Variants in CREB5 observed in about 807,000 individuals in gnomAD.
The protein encoded by CREB5 is cAMP responsive element binding protein 5.
A neutral mutation model predicts 57.1 loss-of-function variants in CREB5; 19 were observed. The observed-to-expected ratio is 0.33, with a 90% CI of 0.23 to 0.49. The LOEUF is 0.49. Among genes scored for constraint, CREB5 ranks in the 20% least tolerant of loss-of-function variants. The probability of loss-of-function intolerance (pLI) is 0.99; values close to 1 mark genes in which losing one functional copy is unlikely to be tolerated. For missense variants in CREB5, 579 were observed against 671.6 expected, an observed-to-expected ratio of 0.86 and a Z score of 1.52; for synonymous variants, 238 against 238.3, an observed-to-expected ratio of 1.00 and a Z score of 0.01.
rs546387858 is a variant in CREB5, at chr7:28,647,697, G to A, written c.465-71056G>A. ...TGCATTGTCTTTTTATTTCTTTAATGTAGGTCAGCATTGTCCAGTAGAACT... is the reference window on the plus strand; with the variant it reads ...TGCATTGTCTTTTTATTTCTTTAATATAGGTCAGCATTGTCCAGTAGAACT... On this transcript the variant is annotated intron_variant, in intron 5 of 10. Coordinates refer to ENST00000357727, the MANE Select transcript of CREB5 (RefSeq NM_182898.4). Among the ~76,000 whole-genome samples, 6 of 152,256 alleles carry A rather than the reference G, an allele frequency of 3.9e-5. No individual in the cohort carries two copies. The South Asian group carries it at 1.2e-3, about 32-fold the overall frequency.
At chr7:28,455,073 A>C (rs113281518) in intron 1 of CREB5, among the ~76,000 whole-genome samples, 2 of 152,222 alleles carry the variant, frequency 1.3e-5, no homozygotes, top group African/African-American at 4.8e-5. Context: ...AGAGTTTTTT[A>C]AAACAGCTTT....
chr7:28,632,964 C>T (rs1475935098), intron 5 of CREB5, among the ~76,000 whole-genome samples: 1 of 152,180 alleles, frequency 6.6e-6, no homozygotes, highest in Non-Finnish European at 1.5e-5. Context: ...CATGGGCACT[C>T]GATGGCTGAA....
At chr7:28,385,950 A>G (rs2127996872) in intron 1 of CREB5, among the ~76,000 whole-genome samples, 1 of 152,214 alleles carries the variant, frequency 6.6e-6, no homozygotes, top group East Asian at 1.9e-4. Context: ...GAATGGCTCC[A>G]TCTTATCTGA....
intron 5 of CREB5, among the ~76,000 whole-genome samples, chr7:28,704,521 C>G (rs1006023146): frequency 6.6e-6 from 1 of 151,956 alleles, no homozygotes; most frequent in Non-Finnish European, 1.5e-5. Flanking sequence ...TGCAGTGACA[C>G]GATCATAGCT....
chr7:28,634,571 C>T (rs1347462374), intron 5 of CREB5, among the ~76,000 whole-genome samples: 11 of 152,118 alleles, frequency 7.2e-5, no homozygotes, highest in Admixed American at 6.6e-4. Context: ...GCCTTACAAG[C>T]CCTCCCCTGT....
At chr7:28,805,080 G>A (rs971734745) in intron 8 of CREB5, among the ~76,000 whole-genome samples, 2 of 152,230 alleles carry the variant, frequency 1.3e-5, no homozygotes, top group Non-Finnish European at 2.9e-5. Flanking sequence ...GTAAGGTGCT[G>A]TGTAAATGGT....
intron 5 of CREB5, among the ~76,000 whole-genome samples, chr7:28,574,020 G>C (rs1236593772): frequency 1.3e-5 from 2 of 152,202 alleles, no homozygotes; most frequent in South Asian, 2.1e-4. Context: ...TGGTTGGGCA[G>C]ACTAGAAAAA....
intron 1 of CREB5, among the ~76,000 whole-genome samples, chr7:28,400,421 C>A (rs900130495): frequency 1.3e-5 from 2 of 152,194 alleles, no homozygotes; most frequent in Non-Finnish European, 2.9e-5. Flanking sequence ...TCCCTTCAGA[C>A]TTTGACATAG....
Position 28,686,268 on chromosome 7 carries a change from T to C in CREB5, c.465-32485T>C, listed in dbSNP as rs377102285. On this transcript the variant is annotated intron_variant, in intron 5 of 10. Coordinates refer to ENST00000357727, the MANE Select transcript of CREB5 (RefSeq NM_182898.4). ...TTTTTGCCCCTACTGCCTTCTGTTT[T>C]TGAGCCTTCGTCCTCCTCCTCCTCC... The C allele has an allele frequency of 5.0e-5, 60 of 1,200,502 alleles. No individual in the cohort carries two copies. The African/African-American group carries it at 8.1e-4, about 16-fold the overall frequency. 74.4% of individuals were successfully genotyped at this position (1,200,502 alleles called of 1,614,324 possible). A position where few individuals can be genotyped will look rare whatever the true frequency, so the allele number is the denominator to read the frequency against.
intron 5 of CREB5, among the ~76,000 whole-genome samples, chr7:28,708,358 A>G (rs1562586849): frequency 6.6e-6 from 1 of 152,168 alleles, no homozygotes; most frequent in African/African-American, 2.4e-5. Context: ...CTGCCAATGT[A>G]TCGTGGAGCT....
intron 4 of CREB5, among the ~76,000 whole-genome samples, chr7:28,562,146 G>A (rs216744): frequency 0.88 from 134,776 of 152,314 alleles, 59,712 homozygotes; most frequent in South Asian, 0.96. Flanking sequence ...CCAGTAACCC[G>A]AATAAAGTAG....
intron 1 of CREB5, among the ~76,000 whole-genome samples, chr7:28,438,858 C>T (rs1013511483): frequency 6.6e-6 from 1 of 152,152 alleles, no homozygotes; most frequent in African/African-American, 2.4e-5. Context: ...CGACCAGTTA[C>T]AAATGTTGCT....
At position 28,658,953 on chromosome 7, in the gene CREB5, G is replaced by GTATATATATATATATATA. The variant is rs72106956; in HGVS notation, c.465-59790_465-59773dup. ...CACTAAATATTATATGTGTGTGTGT[G>GTATATATATATATATATA]TATATATATATATATATATATATAT... On this transcript the variant is annotated intron_variant, in intron 5 of 10. Coordinates refer to ENST00000357727, the MANE Select transcript of CREB5 (RefSeq NM_182898.4). Among the ~76,000 whole-genome samples, 229 of 99,532 alleles carry GTATATATATATATATATA rather than the reference G, an allele frequency of 2.3e-3. 3 individuals carry two copies. The highest frequency in any genetic ancestry group is 6.9e-3 in the African/African-American group (211 of 30,436). The allele number at this position is 99,532 out of a possible 152,430, so 65.3% of individuals were successfully genotyped here.
intron 7 of CREB5, among the ~76,000 whole-genome samples, chr7:28,790,039 G>A (rs1399419698): frequency 6.6e-6 from 1 of 152,146 alleles, no homozygotes; most frequent in African/African-American, 2.4e-5. Context: ...AAAGCACTTA[G>A]GTGCATTTTC....
intron 7 of CREB5, among the ~76,000 whole-genome samples, chr7:28,744,046 T>G (rs938992535): frequency 9.7e-6 from 1 of 102,642 alleles, no homozygotes; most frequent in African/African-American, 3.6e-5. Context: ...TTCCCCTTCC[T>G]GTGTCCATGT....
chr7:28,594,718 A>G (rs564093217), intron 5 of CREB5, among the ~76,000 whole-genome samples: 1 of 152,218 alleles, frequency 6.6e-6, no homozygotes, highest in Non-Finnish European at 1.5e-5. Context: ...ATAAAAATCC[A>G]TTTTCTCTCT....
At chr7:28,613,847 C>T (rs1324658889) in intron 5 of CREB5, among the ~76,000 whole-genome samples, 2 of 152,210 alleles carry the variant, frequency 1.3e-5, no homozygotes, top group African/African-American at 4.8e-5. Flanking sequence ...TGGATCCTTT[C>T]AGGGGCAACC....
Position 28,658,961 on chromosome 7 carries a change from A to ATATATATATATATATATGTG in CREB5, c.465-59775_465-59774insGTGTATATATATATATATAT, listed in dbSNP as rs1248756071. ...ATTATATGTGTGTGTGTGTATATAT[A>ATATATATATATATATATGTG]TATATATATATATATATATGTATAT... is the stretch of plus-strand genomic sequence containing the variant. On this transcript the variant is annotated intron_variant, in intron 5 of 10. Coordinates refer to ENST00000357727, the MANE Select transcript of CREB5 (RefSeq NM_182898.4). 1.8e-4 allele frequency among the ~76,000 whole-genome samples: 25 copies of ATATATATATATATATATGTG among 136,824 alleles called. 1 individual carries two copies. The highest frequency in any genetic ancestry group is 8.9e-4 in the Admixed American group (12 of 13,476). The allele number at this position is 136,824 out of a possible 152,430, so 89.8% of individuals were successfully genotyped here.
At chr7:28,412,186 G>C (rs1248369838), upstream of CREB5, among the ~76,000 whole-genome samples, 2 of 152,176 alleles carry the variant, frequency 1.3e-5, no homozygotes, top group Non-Finnish European at 2.9e-5. Flanking sequence ...AGAATAATAA[G>C]CTCTATTAAC....
Sources: gnomAD v4.1 joint callset for allele counts (sites outside exome capture counted in the v4.1 genomes callset) on GRCh38, gnomAD v4.1.1 for gene constraint, MANE v1.5 for transcripts, NCBI Gene and HGNC (gene_info 2026-07-23, HGNC 2026-07-21) for gene names.